LMNTD1: variants seen among roughly 807,000 people sequenced by gnomAD.
The protein encoded by LMNTD1 is lamin tail domain containing 1.
A neutral mutation model predicts 50.9 loss-of-function variants in LMNTD1; 35 were observed. The ratio of observed to expected loss-of-function variants is 0.69; its 90% confidence interval spans 0.53 to 0.91. The LOEUF (loss-of-function observed/expected upper bound fraction) is 0.91, where lower values mean the gene tolerates loss of function less well. Among genes scored for constraint, LMNTD1 ranks in the 40% least tolerant of loss-of-function variants. The pLI is 0.00. For missense variants in LMNTD1, 470 were observed against 475.5 expected, an observed-to-expected ratio of 0.99 and a Z score of 0.11; for synonymous variants, 153 against 161.9, an observed-to-expected ratio of 0.94 and a Z score of 0.42.
At chr12:25,489,256 A>G (rs1397376757) in intron 9 of LMNTD1, among the ~76,000 whole-genome samples, 1 of 150,100 alleles carries the variant, frequency 6.7e-6, no homozygotes, top group Non-Finnish European at 1.5e-5. Context: ...TTGATCTCAG[A>G]CTGCTGTGCT....
At chr12:25,567,466 T>C (rs1282252020) in intron 1 of LMNTD1, among the ~76,000 whole-genome samples, 3 of 152,210 alleles carry the variant, frequency 2.0e-5, no homozygotes, top group Non-Finnish European at 4.4e-5. Context: ...TATTATCTCA[T>C]TTTATTCTTA....
At chr12:25,631,104 T>C (rs1368430813) in intron 1 of LMNTD1, among the ~76,000 whole-genome samples, 1 of 152,078 alleles carries the variant, frequency 6.6e-6, no homozygotes, top group Admixed American at 6.6e-5. Context: ...ATAACTCCAT[T>C]GGCCTGGGGA....
intron 4 of LMNTD1, among the ~76,000 whole-genome samples, chr12:25,537,097 T>C (rs942087842): frequency 2.6e-5 from 4 of 152,154 alleles, no homozygotes; most frequent in African/African-American, 4.8e-5. Context: ...GTCTCCCTGA[T>C]TGCTAGCACA....
chr12:25,593,628 G>A (rs1945765972), intron 1 of LMNTD1, among the ~76,000 whole-genome samples: 1 of 152,032 alleles, frequency 6.6e-6, no homozygotes, highest in Non-Finnish European at 1.5e-5. Context: ...ACCAACTCTG[G>A]TAATACGACA....
At chr12:25,508,667 G>A (rs1454914722) in intron 8 of LMNTD1, among the ~76,000 whole-genome samples, 1 of 152,074 alleles carries the variant, frequency 6.6e-6, no homozygotes, top group Non-Finnish European at 1.5e-5. Context: ...GCTGGTTTAT[G>A]GGGTAATTAG....
chr12:25,615,016 G>A (rs1164605125), intron 1 of LMNTD1, among the ~76,000 whole-genome samples: 1 of 152,070 alleles, frequency 6.6e-6, no homozygotes, highest in African/African-American at 2.4e-5. Flanking sequence ...AATTACCTTT[G>A]TTGAGACCCT....
intron 1 of LMNTD1, among the ~76,000 whole-genome samples, chr12:25,604,279 C>A (rs1199039456): frequency 6.6e-6 from 1 of 152,072 alleles, no homozygotes; most frequent in Non-Finnish European, 1.5e-5. Context: ...TTCCAAAGGA[C>A]AATTACTCAA....
chr12:25,612,328 A>ACGCG (rs55829465), intron 1 of LMNTD1, among the ~76,000 whole-genome samples: 1,588 of 146,478 alleles, frequency 0.011, 13 homozygotes, highest in Middle Eastern at 0.035. Flanking sequence ...ACACACACAC[A>ACGCG]CGCGCTCCCA....
chr12:25,528,025 G>C (rs1295407729), intron 4 of LMNTD1, among the ~76,000 whole-genome samples: 1 of 151,828 alleles, frequency 6.6e-6, no homozygotes, highest in Non-Finnish European at 1.5e-5. Context: ...TATGATATGT[G>C]TTCTAAAATT....
chr12:25,604,930 T>C (rs1316333471), intron 1 of LMNTD1, among the ~76,000 whole-genome samples: 1 of 152,212 alleles, frequency 6.6e-6, no homozygotes, highest in Non-Finnish European at 1.5e-5. Flanking sequence ...CACACTGACT[T>C]CCACAATGGT....
chr12:25,521,236 T>C (rs1310688067), intron 6 of LMNTD1, among the ~76,000 whole-genome samples: 1 of 152,162 alleles, frequency 6.6e-6, no homozygotes, highest in Non-Finnish European at 1.5e-5. Flanking sequence ...ATGCCCACTT[T>C]TATTTATTTT....
chr12:25,634,380 C>G lies in LMNTD1; in HGVS notation c.58+14114G>C, dbSNP rs375019857. On this transcript the variant is annotated intron_variant, in intron 1 of 7. Transcript: ENST00000445693. Reference sequence around the variant, plus strand: ...TACCAAAACCAGGAAAGGACATAACCAAAAAAGAAAACTACAGACCGATAT... The same window carrying G: ...TACCAAAACCAGGAAAGGACATAACGAAAAAAGAAAACTACAGACCGATAT... Among the ~76,000 whole-genome samples the G allele has an allele frequency of 5.9e-5, 9 of 151,860 alleles. No individual in the cohort carries two copies. The East Asian group carries it at 1.3e-3, about 23-fold the overall frequency.
chr12:25,648,352 G>C, intron 1 of LMNTD1: 1 of 662,968 alleles, frequency 1.5e-6, no homozygotes, highest in Admixed American at 2.6e-5. Flanking sequence ...GAAATTTCAC[G>C]TTTATGAAAA....
intron 8 of LMNTD1, among the ~76,000 whole-genome samples, chr12:25,510,539 C>T (rs1279215138): frequency 1.3e-5 from 2 of 151,988 alleles, no homozygotes; most frequent in African/African-American, 4.8e-5. Flanking sequence ...CTGTCCCAAC[C>T]TCTCCATCAT....
Position 25,519,841 on chromosome 12 carries a change from A to G in LMNTD1, c.1016+17T>C. On this transcript the variant is annotated intron_variant, in intron 7 of 9. Transcript: ENST00000458174. ...TGGGAAGGACCCATTAAAACAAACA[A>G]ACCAAACAACCCTTACCTCTTAAGA... 2.5e-6 allele frequency: 4 copies of G among 1,582,292 alleles called. No individual in the cohort carries two copies. The highest frequency in any genetic ancestry group is 3.5e-6 in the Non-Finnish European group (4 of 1,154,644).
chr12:25,646,314 C>T (rs926092483), intron 1 of LMNTD1, among the ~76,000 whole-genome samples: 2 of 152,000 alleles, frequency 1.3e-5, no homozygotes, highest in African/African-American at 4.8e-5. Context: ...CCTCTCAGCT[C>T]CCTCTCATCT....
chr12:25,535,562 A>G (rs1356004220), intron 4 of LMNTD1, among the ~76,000 whole-genome samples: 1 of 152,112 alleles, frequency 6.6e-6, no homozygotes, highest in African/African-American at 2.4e-5. Flanking sequence ...GAACATCTTA[A>G]AAGCAGAATA....
chr12:25,503,393 A>T (rs1292362522), intron 9 of LMNTD1, among the ~76,000 whole-genome samples: 3 of 152,182 alleles, frequency 2.0e-5, no homozygotes, highest in Non-Finnish European at 4.4e-5. Flanking sequence ...TGCTCATAGG[A>T]ATTAAAATGT....
upstream of LMNTD1, among the ~76,000 whole-genome samples, chr12:25,555,571 G>A (rs1000733175): frequency 6.6e-6 from 1 of 152,250 alleles, no homozygotes; most frequent in East Asian, 1.9e-4. Context: ...AATATTTTAG[G>A]TGTGATATGG....
Sources: allele counts gnomAD v4.1 joint callset (sites outside exome capture counted in the v4.1 genomes callset), GRCh38; gene constraint gnomAD v4.1.1; transcripts MANE v1.5; gene names NCBI Gene and HGNC (gene_info 2026-07-23, HGNC 2026-07-21).